Variants in CELF4 observed in about 807,000 individuals in gnomAD.
CELF4 encodes CUGBP Elav-like family member 4, also known as CUG-BP- and ETR-3-like factor 4.
Under a neutral mutation model 59.9 loss-of-function variants are expected in CELF4, and 18 were observed. The observed-to-expected ratio is 0.30, with a 90% CI of 0.21 to 0.45. The LOEUF (loss-of-function observed/expected upper bound fraction) is 0.45. Among genes scored for constraint, CELF4 ranks in the 20% least tolerant of loss-of-function variants. The probability of loss-of-function intolerance (pLI) is 1.00; values close to 1 mark genes in which losing one functional copy is unlikely to be tolerated. For missense variants in CELF4, 456 were observed against 689.0 expected (o/e 0.66, Z 3.79); for synonymous variants, 261 against 267.1 (o/e 0.98, Z 0.22).
In CELF4 at chr18:37,253,996, C is replaced by T. The variant is rs1600289131; in HGVS notation, c.1334-58G>A. On this transcript the variant is annotated intron_variant, in intron 11 of 12. Coordinates refer to ENST00000420428, the MANE Select transcript of CELF4 (RefSeq NM_020180.4). This position sits in a 1 kb window ranked among gnomAD's most constrained non-coding sequence, Gnocchi z 4.5. ...TCCACGGGGCCGCCCGGGGCGCTGC[C>T]GGCGGGGAGGGGTCGGGGGACAGGG... 2.3e-6 allele frequency: 1 copy of T among 427,570 alleles called. No individual in the cohort carries two copies. The highest frequency in any genetic ancestry group is 3.9e-6 in the Non-Finnish European group (1 of 254,842). The allele number at this position is 427,570 out of a possible 1,614,324, so 26.5% of individuals were successfully genotyped here.
chr18:37,379,321 G>T (rs1242434163), intron 2 of CELF4, among the ~76,000 whole-genome samples: 3 of 151,956 alleles, frequency 2.0e-5, no homozygotes, highest in Admixed American at 6.5e-5. Context: ...TGGAAGCTCA[G>T]GTGGGCTGCC....
chr18:37,384,167 A>AG (rs947111507), intron 2 of CELF4, among the ~76,000 whole-genome samples: 9 of 152,012 alleles, frequency 5.9e-5, no homozygotes, highest in African/African-American at 1.9e-4. Context: ...GGCTAGTGGG[A>AG]GGGGGACAAA....
At chr18:37,525,960 C>G (rs752755677) in intron 1 of CELF4, among the ~76,000 whole-genome samples, 5 of 152,140 alleles carry the variant, frequency 3.3e-5, no homozygotes, top group Non-Finnish European at 7.3e-5. Context: ...TACCTCCCTT[C>G]GGAATCAGAA....
chr18:37,489,146 G>A (rs1034637688), intron 1 of CELF4, among the ~76,000 whole-genome samples: 1 of 152,222 alleles, frequency 6.6e-6, no homozygotes, highest in African/African-American at 2.4e-5. Context: ...GTCCCACCCC[G>A]GGCCCTTCCC....
At chr18:37,417,590 C>T (rs1603637946) in intron 2 of CELF4, among the ~76,000 whole-genome samples, 1 of 152,242 alleles carries the variant, frequency 6.6e-6, no homozygotes, top group Non-Finnish European at 1.5e-5. Context: ...CAGTGAGGTG[C>T]TTCTTGCAGC....
chr18:37,273,225 GGCCTC>G, intron 6 of CELF4, 62 bp from the exon 7 acceptor site: 1 of 1,562,722 alleles, frequency 6.4e-7, no homozygotes, highest in Non-Finnish European at 8.7e-7. Context: ...CCCCGACAGG[GGCCTC>G]AGCTCCTGGA....
At chr18:37,402,732 G>C (rs1258247489) in intron 2 of CELF4, among the ~76,000 whole-genome samples, 1 of 152,144 alleles carries the variant, frequency 6.6e-6, no homozygotes, top group Non-Finnish European at 1.5e-5. Context: ...CCCCATAACA[G>C]AGCTTCCCAC....
At chr18:37,330,377 T>G (rs541745783) in intron 2 of CELF4, among the ~76,000 whole-genome samples, 119 of 152,298 alleles carry the variant, frequency 7.8e-4, no homozygotes, top group Non-Finnish European at 1.1e-3. Flanking sequence ...CTAGTGAGAC[T>G]GGATCCCAGG....
intron 3 of CELF4, among the ~76,000 whole-genome samples, chr18:37,308,604 G>A (rs1421655889): frequency 6.6e-6 from 1 of 152,186 alleles, no homozygotes; most frequent in African/African-American, 2.4e-5. Flanking sequence ...CCATGTATCT[G>A]TCTGTCATCG....
chr18:37,516,503 T>C (rs1379312498), intron 1 of CELF4, among the ~76,000 whole-genome samples: 1 of 152,150 alleles, frequency 6.6e-6, no homozygotes, highest in East Asian at 1.9e-4. Flanking sequence ...GTTATCTCCA[T>C]TGGGGTCTTT....
chr18:37,296,266 C>T (rs2095633759), intron 3 of CELF4, among the ~76,000 whole-genome samples: 1 of 152,236 alleles, frequency 6.6e-6, no homozygotes, highest in African/African-American at 2.4e-5. Context: ...AGCCATCCTC[C>T]CACCTCAGCT....
At chr18:37,385,576 C>T (rs1448005210) in intron 2 of CELF4, among the ~76,000 whole-genome samples, 1 of 152,084 alleles carries the variant, frequency 6.6e-6, no homozygotes, top group Non-Finnish European at 1.5e-5. Context: ...CCCCTCCCCT[C>T]CACCTCCCCC....
intron 1 of CELF4, among the ~76,000 whole-genome samples, chr18:37,552,933 T>C (rs1282789464): frequency 1.3e-5 from 2 of 152,222 alleles, no homozygotes; most frequent in Admixed American, 1.3e-4. Flanking sequence ...GTCTGCCCAG[T>C]AGTCATTCAC....
chr18:37,310,761 C>G (rs553044421), intron 3 of CELF4, among the ~76,000 whole-genome samples: 6 of 152,016 alleles, frequency 3.9e-5, no homozygotes, highest in Non-Finnish European at 8.8e-5. Flanking sequence ...TCAGGGCTCA[C>G]TCAGTGCTCA....
intron 2 of CELF4, among the ~76,000 whole-genome samples, chr18:37,434,461 C>T (rs993810328): frequency 6.6e-5 from 10 of 152,186 alleles, no homozygotes; most frequent in Admixed American, 2.0e-4. Flanking sequence ...GGGGCAAAAG[C>T]GCTTCAGTGG....
At chr18:37,554,213 G>A (rs2099984099) in intron 1 of CELF4, among the ~76,000 whole-genome samples, 1 of 152,178 alleles carries the variant, frequency 6.6e-6, no homozygotes, top group Non-Finnish European at 1.5e-5. Flanking sequence ...GCAGCCTCGG[G>A]GGCTGGGGCT....
intron 2 of CELF4, among the ~76,000 whole-genome samples, chr18:37,343,060 C>G (rs565556716): frequency 7.9e-5 from 12 of 152,300 alleles, no homozygotes; most frequent in African/African-American, 2.4e-4. Flanking sequence ...GAAGGGTGTG[C>G]ACCGTGTGAC....
intron 2 of CELF4, among the ~76,000 whole-genome samples, chr18:37,329,093 T>C (rs1011667240): frequency 2.0e-5 from 3 of 150,678 alleles, no homozygotes; most frequent in African/African-American, 7.3e-5. Context: ...ATGCCAGTTT[T>C]AAATGCAAAT....
chr18:37,449,297 G>A (rs1159291900), intron 2 of CELF4, among the ~76,000 whole-genome samples: 1 of 152,158 alleles, frequency 6.6e-6, no homozygotes, highest in Non-Finnish European at 1.5e-5. Context: ...TTGACTGAGA[G>A]TTACTGGGCC....
Sources: allele counts gnomAD v4.1 joint callset (sites outside exome capture counted in the v4.1 genomes callset), GRCh38; gene constraint gnomAD v4.1.1; non-coding constraint Gnocchi (gnomAD v3.1); transcripts MANE v1.5; gene names NCBI Gene and HGNC (gene_info 2026-07-23, HGNC 2026-07-21).